FAT2: variants seen among roughly 807,000 people sequenced by gnomAD.
FAT2 encodes protocadherin Fat 2.
In FAT2, 150 loss-of-function variants were observed where a neutral mutation model predicts 295.3. That is an observed-to-expected ratio of 0.51 (90% CI 0.44 to 0.58). The LOEUF (loss-of-function observed/expected upper bound fraction) is 0.58, where lower values mean the gene tolerates loss of function less well. Among genes scored for constraint, FAT2 ranks in the 20% least tolerant of loss-of-function variants. The pLI is 0.00. For synonymous variants in FAT2, 2,026 were observed against 2,150.3 expected, an observed-to-expected ratio of 0.94 and a Z score of 1.60; for missense variants, 4,868 against 5,442.7, an observed-to-expected ratio of 0.89 and a Z score of 3.32.
intron 9 of FAT2, among the ~76,000 whole-genome samples, chr5:151,548,472 C>T (rs932660826): frequency 6.6e-6 from 1 of 152,042 alleles, no homozygotes; most frequent in African/African-American, 2.4e-5. Flanking sequence ...CAATTTACAA[C>T]ATGTATTAAC....
chr5:151,508,751 G>A (rs1761088960), intron 22 of FAT2, among the ~76,000 whole-genome samples: 1 of 151,764 alleles, frequency 6.6e-6, no homozygotes, highest in Non-Finnish European at 1.5e-5. Flanking sequence ...CATACCCAGA[G>A]TAATCATGGG....
Position 151,576,939 on chromosome 5 carries a change from A to G in FAT2, c.-20-7988T>C, listed in dbSNP as rs117570401. Among the ~76,000 whole-genome samples the G allele has an allele frequency of 8.2e-4, 125 of 152,296 alleles. 1 individual carries two copies. In the East Asian group the frequency reaches 0.023, roughly 27 times the overall value. ...ACAAACCTGTACGGTATCCTACTCT[A>G]CTGAATACTGTAGGTGATTGTAACA... is the stretch of plus-strand genomic sequence containing the variant. On this transcript the variant is annotated intron_variant, in intron 1 of 23. Transcript: ENST00000261800.
At chr5:151,552,761 A>G (rs1439718278) in intron 6 of FAT2, among the ~76,000 whole-genome samples, 1 of 152,204 alleles carries the variant, frequency 6.6e-6, no homozygotes, top group Non-Finnish European at 1.5e-5. Context: ...CCTGATCTCA[A>G]GGGTGAAACC....
chr5:151,538,374 T>C (rs537854351), intron 11 of FAT2, among the ~76,000 whole-genome samples: 2 of 152,292 alleles, frequency 1.3e-5, no homozygotes, highest in Admixed American at 6.5e-5. Context: ...CAACCTCCCC[T>C]GCCTCTGTGG....
At chr5:151,592,017 A>G (rs1332983445), upstream of FAT2, among the ~76,000 whole-genome samples, 2 of 152,224 alleles carry the variant, frequency 1.3e-5, no homozygotes, top group Non-Finnish European at 1.5e-5. Flanking sequence ...GGAGGTAACA[A>G]GAATACCTGC....
chr5:151,549,175 T>G, intron 9 of FAT2, 120 bp downstream of exon 9: 1 of 872,980 alleles, frequency 1.1e-6, no homozygotes, highest in Non-Finnish European at 1.8e-6. Flanking sequence ...CTAGAATTAT[T>G]GTTTGCCAAG....
At chr5:151,553,850 A>G (rs3097775) in intron 5 of FAT2, among the ~76,000 whole-genome samples, 27,521 of 152,206 alleles carry the variant, frequency 0.18, 3,048 homozygotes, top group East Asian at 0.36. Context: ...TGTCTTTTAC[A>G]AGAATAAACT....
In FAT2 at chr5:151,543,522, G is replaced by T. The variant is rs564121520; in HGVS notation, c.7605C>A (p.Gly2535=). 6.8e-6 allele frequency: 11 copies of T among 1,614,194 alleles called. No homozygotes were observed. In the African/African-American group the frequency reaches 1.5e-4, roughly 22 times the overall value. ...CCAGTTTCTGCAGAGTGGCAATCTG[G>T]CCATTGGGGTTTATGGAGAACTTCT... ...ASEKFSINPN[G]QIATLQKLDR... The change falls in exon 10 of 24, where the codon GGC becomes GGA. Residue 2535 remains glycine (G), a synonymous_variant. Transcript: ENST00000261800.
chr5:151,563,282 C>T (rs2127641238), intron 3 of FAT2, 43 bp downstream of exon 3: 1 of 1,577,510 alleles, frequency 6.3e-7, no homozygotes, highest in Non-Finnish European at 8.7e-7. Context: ...TTGAGAACCA[C>T]CATTGTAGAG....
intron 11 of FAT2, among the ~76,000 whole-genome samples, chr5:151,540,165 G>A (rs1293966857): frequency 1.3e-5 from 2 of 152,226 alleles, no homozygotes; most frequent in Non-Finnish European, 2.9e-5. Flanking sequence ...ACCTTTGTTG[G>A]GAATGTAGGG....
rs778399515 is a variant in FAT2, at chr5:151,544,121, C to A, written c.7006G>T (p.Glu2336Ter). 1.2e-6 allele frequency: 2 copies of A among 1,614,198 alleles called. No homozygotes were observed. The highest frequency in any genetic ancestry group is 8.5e-7 in the Non-Finnish European group (1 of 1,180,036). The change falls in exon 10 of 24, where the codon GAA (glutamate) becomes TAA (stop). Residue 2336 changes from glutamate (E) to a stop codon, truncating the protein, a stop_gained. Coordinates refer to ENST00000261800, the MANE Select transcript of FAT2 (RefSeq NM_001447.3). LOFTEE classifies it high-confidence loss of function. ...TGTTGTTGGGCTTCATAATCCAGTT[C>A]TTGAACTGTGGACATCTCCCCTGTG... Reference protein sequence around the residue: ...GSTGEMSTVQELDYEAQQHFH... With the variant: ...GSTGEMSTVQ
rs376564132 is a variant in FAT2 at position 151,523,599 on chromosome 5, G to A, written c.10507-1513C>T. On this transcript the variant is annotated intron_variant, in intron 18 of 23. Transcript: ENST00000261800. ...GACCAATGCAATTGATGGTGATGAT[G>A]CCAGTCATTACTAAGCTCCTGTCTA... 1.6e-4 allele frequency among the ~76,000 whole-genome samples: 24 copies of A among 152,302 alleles called. No homozygotes were observed. The East Asian group carries it at 4.1e-3, about 26-fold the overall frequency.
At chr5:151,570,032 A>G (rs1254081926) in intron 1 of FAT2, among the ~76,000 whole-genome samples, 1 of 152,250 alleles carries the variant, frequency 6.6e-6, no homozygotes, top group African/African-American at 2.4e-5. Context: ...TGTTGTGAAA[A>G]TTCAGTGAAA....
rs79853703 is a variant in FAT2 at position 151,576,925 on chromosome 5, C to T, written c.-20-7974G>A. ...ATTGCTCCTAGGATACAAACCTGTA[C>T]GGTATCCTACTCTACTGAATACTGT... On this transcript the variant is annotated intron_variant, in intron 1 of 23. Coordinates refer to ENST00000261800, the MANE Select transcript of FAT2 (RefSeq NM_001447.3). Among the ~76,000 whole-genome samples, 1,357 of 152,240 alleles carry T rather than the reference C, an allele frequency of 8.9e-3. 20 individuals carry two copies. The highest frequency in any genetic ancestry group is 0.029 in the African/African-American group (1,225 of 41,542).
At chr5:151,594,093 G>A (rs1386354778), upstream of FAT2, among the ~76,000 whole-genome samples, 1 of 152,198 alleles carries the variant, frequency 6.6e-6, no homozygotes, top group Non-Finnish European at 1.5e-5. Context: ...CAATGGATTA[G>A]GTGCTATTAT....
intron 12 of FAT2, among the ~76,000 whole-genome samples, 175 bp from the exon 13 acceptor site, chr5:151,534,817 T>C (rs567622013): frequency 1.3e-5 from 2 of 151,734 alleles, no homozygotes; most frequent in Non-Finnish European, 2.9e-5. Flanking sequence ...CCCATTCTCC[T>C]CCCTGATTCT....
At chr5:151,514,552 G>C (rs1482093093) in intron 20 of FAT2, among the ~76,000 whole-genome samples, 1 of 152,190 alleles carries the variant, frequency 6.6e-6, no homozygotes, top group East Asian at 1.9e-4. Flanking sequence ...CTTTGCTCAC[G>C]AGCCTCTCTT....
At chr5:151,530,882 A>G (rs1376769340) in intron 14 of FAT2, among the ~76,000 whole-genome samples, 1 of 152,084 alleles carries the variant, frequency 6.6e-6, no homozygotes, top group African/African-American at 2.4e-5. Flanking sequence ...GTACTATTCT[A>G]TTTTTTAATA....
At position 151,505,890 on chromosome 5, in the gene FAT2, C is replaced by T. The variant is rs144888662; in HGVS notation, c.12725G>A (p.Arg4242His). Residue 4242 changes from arginine (R) to histidine (H), a missense_variant, in exon 24 of 24, where the codon CGT becomes CAT. Arg to His is a conservative substitution (Grantham distance 29). Around this residue, in one of 5 missense-constraint regions of FAT2, gnomAD observed 492 missense variants for 482.6 expected, o/e 1.02. Transcript: ENST00000261800. The stretch of plus-strand genomic sequence containing the variant: ...ATCTTCCAGGTTCTGGTTGCTGTAA[C>T]GGGGTGGGAGAGGTGCCCGCTTGTT... Reference protein sequence around the residue: ...MENKRAPLPPRYSNQNLEDLM... With the variant: ...MENKRAPLPPHYSNQNLEDLM... 724 of 1,603,036 alleles carry T rather than the reference C, an allele frequency of 4.5e-4. 1 individual carries two copies. In the African/African-American group the frequency reaches 4.7e-3, roughly 10 times the overall value.
Sources: allele counts gnomAD v4.1 joint callset (sites outside exome capture counted in the v4.1 genomes callset), GRCh38; gene constraint gnomAD v4.1.1; regional missense constraint gnomAD v4.1.1; transcripts MANE v1.5; gene names NCBI Gene and HGNC (gene_info 2026-07-23, HGNC 2026-07-21).